The following PASD1 variants were observed in gnomAD, a reference collection of about 807,000 sequenced individuals.
PASD1 encodes the protein PAS domain containing repressor 1.
In PASD1, 13 loss-of-function variants were observed where a neutral mutation model predicts 58.8. The observed-to-expected ratio is 0.22, with a 90% CI of 0.14 to 0.35. The LOEUF (loss-of-function observed/expected upper bound fraction) is 0.35, where lower values mean the gene tolerates loss of function less well. Among genes scored for constraint, PASD1 ranks in the 10% least tolerant of loss-of-function variants. The probability of loss-of-function intolerance (pLI) is 1.00; values close to 1 mark genes in which losing one functional copy is unlikely to be tolerated. For missense variants in PASD1, 734 were observed against 568.3 expected, an observed-to-expected ratio of 1.29 and a Z score of -2.96; for synonymous variants, 236 against 216.7, an observed-to-expected ratio of 1.09 and a Z score of -0.78.
chrX:151,669,649 G>A (rs750419982), intron 11 of PASD1, among the ~76,000 whole-genome samples: 2 of 111,362 alleles, frequency 1.8e-5, no homozygotes, highest in Non-Finnish European at 3.8e-5. Flanking sequence ...TGTGATATTT[G>A]TCTTTCTGTA....
chrX:151,565,905 A>C (rs1478586301), intron 1 of PASD1, among the ~76,000 whole-genome samples: 2 of 111,973 alleles, frequency 1.8e-5, no homozygotes, highest in Non-Finnish European at 3.8e-5. Context: ...TTTCTTTGCA[A>C]AGTAATTCAC....
chrX:151,663,291 G>T (rs1042158345), intron 10 of PASD1, among the ~76,000 whole-genome samples: 2 of 112,012 alleles, frequency 1.8e-5, no homozygotes, highest in Non-Finnish European at 3.8e-5. Flanking sequence ...TCATGTAAGA[G>T]GAATCATATG....
intron 8 of PASD1, among the ~76,000 whole-genome samples, chrX:151,642,355 A>C (rs1322876517): frequency 3.0e-5 from 3 of 100,722 alleles, no homozygotes; most frequent in Non-Finnish European, 4.4e-5. Flanking sequence ...TGGATCCCTT[A>C]TCTATTCAGT....
intron 11 of PASD1, among the ~76,000 whole-genome samples, chrX:151,670,366 T>C (rs768573964): frequency 7.1e-4 from 80 of 111,911 alleles, no homozygotes; most frequent in Non-Finnish European, 1.1e-3. Context: ...AAAACTCTGG[T>C]TTCTCCTCTA....
At position 151,655,995 on chromosome X, in the gene PASD1, G is replaced by A. The variant is rs745735066; in HGVS notation, c.718-3718G>A. 9.5e-4 allele frequency among the ~76,000 whole-genome samples: 107 copies of A among 112,096 alleles called. 2 individuals are homozygous for A. Among genetic ancestry groups the A allele is most frequent in the African/African-American group, 3.3e-3 (101 of 30,859 alleles). On this transcript the variant is annotated intron_variant, in intron 9 of 15. Transcript: ENST00000370357. ...GGGTTTTTATGGTTTTAGGTCTAAC[G>A]TTTAAGTATTTGATCCATCTTGAAT...
intron 8 of PASD1, among the ~76,000 whole-genome samples, chrX:151,627,607 A>G (rs1399219024): frequency 8.9e-6 from 1 of 111,809 alleles, no homozygotes; most frequent in Non-Finnish European, 1.9e-5. Flanking sequence ...TCTATCATTG[A>G]TGGACATTTG....
intron 1 of PASD1, among the ~76,000 whole-genome samples, chrX:151,580,615 ATC>A (rs753578857): frequency 9.5e-6 from 1 of 105,589 alleles, no homozygotes; most frequent in Non-Finnish European, 1.9e-5. Context: ...ATATTGTTAT[ATC>A]TCAATTAAAA....
intron 1 of PASD1, among the ~76,000 whole-genome samples, chrX:151,585,425 G>C (rs1394000243): frequency 8.9e-6 from 1 of 112,063 alleles, no homozygotes; most frequent in East Asian, 2.8e-4. Context: ...CCAGGGGAAG[G>C]CTTTAAGTGG....
intron 8 of PASD1, among the ~76,000 whole-genome samples, chrX:151,644,767 C>T (rs978198592): frequency 9.2e-6 from 1 of 108,350 alleles, no homozygotes; most frequent in Non-Finnish European, 1.9e-5. Flanking sequence ...TCACTTTTTG[C>T]ATGTGGAGTT....
Position 151,620,981 on chromosome X carries a change from G to T in PASD1, c.259G>T (p.Asp87Tyr). Residue 87 changes from aspartate to tyrosine, a missense_variant, in exon 5 of 16, where the codon GAT (aspartate) becomes TAT (tyrosine). Transcript: ENST00000370357. ...AAGCCTTCTGCCTGATGAAGAGAAAGATGAAGTCTACCAAAAGATTATTCT... is the reference window on the plus strand; with the variant it reads ...AAGCCTTCTGCCTGATGAAGAGAAATATGAAGTCTACCAAAAGATTATTCT... ...LLSLLPDEEK[D>Y]EVYQKIILKF... 8.3e-7 allele frequency: 1 copy of T among 1,208,161 alleles called. No individual in the cohort carries two copies. The highest frequency in any genetic ancestry group is 1.1e-6 in the Non-Finnish European group (1 of 893,285).
intron 9 of PASD1, among the ~76,000 whole-genome samples, chrX:151,653,165 T>C (rs2014154397): frequency 9.5e-6 from 1 of 104,874 alleles, no homozygotes; most frequent in Non-Finnish European, 2.0e-5. Context: ...TCTGAAAATA[T>C]ATATGTGTGT....
intron 12 of PASD1, 100 bp from the exon 13 acceptor site, chrX:151,671,473 G>A: frequency 1.0e-6 from 1 of 993,955 alleles, no homozygotes; most frequent in Non-Finnish European, 1.4e-6. Context: ...CTTCCTGTAG[G>A]CTTGCCTGTG....
intron 11 of PASD1, among the ~76,000 whole-genome samples, chrX:151,669,876 A>G (rs2014441936): frequency 9.0e-6 from 1 of 111,668 alleles, no homozygotes; most frequent in Non-Finnish European, 1.9e-5. Flanking sequence ...TACCTTTTTG[A>G]TCTACTGATT....
In PASD1 at chrX:151,672,476, C is replaced by T. The variant is rs1380411539; in HGVS notation, c.1731C>T (p.Ile577=). 13 of 1,210,136 alleles carry T rather than the reference C, an allele frequency of 1.1e-5. No individual in the cohort carries two copies. The highest frequency in any genetic ancestry group is 8.9e-5 in the East Asian group (3 of 33,748). ...AGCAGCCACTGAAGCATAATGTCAT[C>T]GTGGGGAATGAGAGGGTGCAGATAT... ...LQEQPLKHNV[I]VGNERVQICL... The change falls in exon 14 of 16, where the codon ATC becomes ATT. Residue 577 remains isoleucine, a synonymous_variant. Transcript: ENST00000370357.
chrX:151,598,973 TC>T (rs1417106861), intron 1 of PASD1, among the ~76,000 whole-genome samples: 2 of 111,275 alleles, frequency 1.8e-5, no homozygotes, highest in African/African-American at 6.6e-5. Flanking sequence ...CCTGCCGCCT[TC>T]CGCAGTGTTT....
At chrX:151,658,432 C>T (rs2014273578) in intron 9 of PASD1, among the ~76,000 whole-genome samples, 1 of 111,881 alleles carries the variant, frequency 8.9e-6, no homozygotes, top group African/African-American at 3.2e-5. Flanking sequence ...ATACGAATAC[C>T]CAAAAGTGGA....
At chrX:151,637,164 A>G (rs2013940881) in intron 8 of PASD1, among the ~76,000 whole-genome samples, 1 of 112,422 alleles carries the variant, frequency 8.9e-6, no homozygotes, top group African/African-American at 3.2e-5. Flanking sequence ...TGTTATTGCC[A>G]GTTTTCTGGC....
intron 8 of PASD1, among the ~76,000 whole-genome samples, chrX:151,628,692 A>G (rs1461970216): frequency 9.0e-6 from 1 of 111,575 alleles, no homozygotes; most frequent in African/African-American, 3.3e-5. Flanking sequence ...TTGGTCCCAT[A>G]TGAACTTTAA....
At chrX:151,666,100 T>C (rs992317235) in intron 11 of PASD1, among the ~76,000 whole-genome samples, 1 of 110,238 alleles carries the variant, frequency 9.1e-6, no homozygotes. Flanking sequence ...ACATTACTCA[T>C]AAAGGGTATT....
Sources: gnomAD v4.1 joint callset for allele counts (sites outside exome capture counted in the v4.1 genomes callset) on GRCh38, gnomAD v4.1.1 for gene constraint, MANE v1.5 for transcripts, NCBI Gene and HGNC (gene_info 2026-07-23, HGNC 2026-07-21) for gene names.